The following LAIR1 variants were observed in gnomAD, a reference collection of about 807,000 sequenced individuals.
The protein encoded by LAIR1 is leukocyte associated immunoglobulin like receptor 1.
LAIR1 carries 24 observed loss-of-function variants against 32.8 expected under a neutral mutation model. The ratio of observed to expected loss-of-function variants is 0.73; its 90% CI spans 0.53 to 1.03. The LOEUF (loss-of-function observed/expected upper bound fraction) is 1.03, where lower values mean the gene tolerates loss of function less well. Among genes scored for constraint, LAIR1 ranks in the 50% least tolerant of loss-of-function variants. The probability of loss-of-function intolerance (pLI) is 0.00; values close to 1 mark genes in which losing one functional copy is unlikely to be tolerated. For missense variants in LAIR1, 355 were observed against 347.5 expected (o/e 1.02, Z -0.17); for synonymous variants, 150 against 140.5 (o/e 1.07, Z -0.48).
chr19:54,372,221 C>G (rs1359388339), upstream of LAIR1, among the ~76,000 whole-genome samples: 1 of 151,676 alleles, frequency 6.6e-6, no homozygotes, highest in Non-Finnish European at 1.5e-5. Context: ...CCCAAAGTGG[C>G]TGTACCATTT....
intron 3 of LAIR1, 23 bp downstream of exon 3, chr19:54,360,893 C>A (rs999029715): frequency 1.9e-6 from 3 of 1,599,618 alleles, no homozygotes; most frequent in Non-Finnish European, 2.6e-6. Flanking sequence ...GAGACTGGGG[C>A]AGGGCCCAGG....
At chr19:54,372,007 C>T (rs1199677936), upstream of LAIR1, among the ~76,000 whole-genome samples, 2 of 151,568 alleles carry the variant, frequency 1.3e-5, no homozygotes, top group African/African-American at 4.9e-5. Flanking sequence ...GGATAATATT[C>T]CATTGTCTGG....
upstream of LAIR1, among the ~76,000 whole-genome samples, chr19:54,366,161 G>A (rs2122605384): frequency 6.6e-6 from 1 of 152,292 alleles, no homozygotes; most frequent in Non-Finnish European, 1.5e-5. Context: ...CTAGAGATCT[G>A]CTGCACCACA....
chr19:54,357,867 G>A (rs1441689741), intron 4 of LAIR1: 3 of 151,278 alleles, frequency 2.0e-5, no homozygotes, highest in East Asian at 1.9e-4. Flanking sequence ...GACACCACCC[G>A]TTATTCTACA....
chr19:54,376,070 A>AGGGGAAAGAGGAAGAGAG, the LAIR1 span, among the ~76,000 whole-genome samples: 1 of 151,524 alleles, frequency 6.6e-6, no homozygotes, highest in South Asian at 2.1e-4. Context: ...GTTACCAGTG[A>AGGGGAAAGAGGAAGAGAG]GGGGAAAGAG....
At chr19:54,356,204 G>C (rs186282217) in intron 8 of LAIR1, 26 bp downstream of exon 8, 1 of 1,604,888 alleles carries the variant, frequency 6.2e-7, no homozygotes, top group Non-Finnish European at 8.5e-7. Context: ...CCCATCCCAG[G>C]CCTGTCCCTC....
At chr19:54,369,226 G>C (rs1328908387), upstream of LAIR1, among the ~76,000 whole-genome samples, 1 of 151,286 alleles carries the variant, frequency 6.6e-6, no homozygotes, top group Non-Finnish European at 1.5e-5. Flanking sequence ...CCTGTGCTGG[G>C]ATCCAATGCA....
upstream of LAIR1, among the ~76,000 whole-genome samples, chr19:54,374,877 T>G (rs1395457768): frequency 1.3e-5 from 2 of 151,642 alleles, no homozygotes; most frequent in Non-Finnish European, 2.9e-5. Context: ...AGCCCTTCGG[T>G]ACCCAGCATC....
Position 54,361,163 on chromosome 19 carries a change from G to A in LAIR1, c.117C>T (p.Ile39=). The A allele has an allele frequency of 6.2e-7, 1 of 1,614,208 alleles. No homozygotes were observed. The highest frequency in any genetic ancestry group is 1.3e-5 in the African/African-American group (1 of 75,054). Residue 39 remains isoleucine (I), a synonymous_variant, in exon 3 of 10, where the codon ATC becomes ATT. Transcript: ENST00000391742. Reference sequence around the variant, plus strand: ...CGAAAGTCACATGGCTCCCCAGGGGGATCACGGTGCCTGGCTCAGCCGAGA... The same window carrying A: ...CGAAAGTCACATGGCTCCCCAGGGGAATCACGGTGCCTGGCTCAGCCGAGA... ...PSISAEPGTV[I]PLGSHVTFVC...
upstream of LAIR1, among the ~76,000 whole-genome samples, chr19:54,371,341 G>A (rs949828977): frequency 1.2e-4 from 18 of 151,212 alleles, no homozygotes; most frequent in African/African-American, 3.2e-4. Flanking sequence ...GTGGGTCACC[G>A]AGGCTGGAGT....
chr19:54,372,127 C>G (rs2082420117), upstream of LAIR1, among the ~76,000 whole-genome samples: 1 of 151,616 alleles, frequency 6.6e-6, no homozygotes, highest in Non-Finnish European at 1.5e-5. Flanking sequence ...GTTTTCAGCT[C>G]CCTTCGGTAA....
intron 4 of LAIR1, chr19:54,358,550 A>G: frequency 1.2e-6 from 2 of 1,610,470 alleles, no homozygotes; most frequent in South Asian, 1.1e-5. Flanking sequence ...TCCCCATTGA[A>G]GTTCACAAGA....
upstream of LAIR1, among the ~76,000 whole-genome samples, chr19:54,366,280 T>G (rs1309932898): frequency 1.3e-5 from 2 of 152,180 alleles, no homozygotes; most frequent in African/African-American, 4.8e-5. Context: ...AGGGAATGTT[T>G]GAAACTTCTT....
exon 1 of LAIR1, chr19:54,370,522 C>T (rs1188942307): frequency 1.8e-5 from 7 of 396,194 alleles, no homozygotes; most frequent in Non-Finnish European, 2.7e-5. Flanking sequence ...CAAGACATAG[C>T]GGGTGTCATA....
chr19:54,373,331 C>T (rs530777365), upstream of LAIR1, among the ~76,000 whole-genome samples: 29 of 151,540 alleles, frequency 1.9e-4, no homozygotes, highest in South Asian at 6.0e-3. Context: ...GTAGTCCCAG[C>T]TACTTGGGAG....
Position 54,356,598 on chromosome 19 carries a change from A to G in LAIR1, c.476T>C (p.Leu159Pro), listed in dbSNP as rs781582183. ...GAGAATATACAGATGCTCAGCTTTC[A>G]GGCCTTGGGAAGCAGGTGCATCTAA... Reference protein sequence around the residue: ...HNEHAPASQGLKAEHLYILIG... With the variant: ...HNEHAPASQGPKAEHLYILIG... The change falls in exon 6 of 10, where the codon CTG becomes CCG. Residue 159 changes from leucine (L) to proline (P), a missense_variant. By Grantham distance (98) the Leu-to-Pro change is moderately conservative. Coordinates refer to ENST00000391742, the MANE Select transcript of LAIR1 (RefSeq NM_002287.6). The G allele has an allele frequency of 3.1e-5, 50 of 1,613,784 alleles. No individual in the cohort carries two copies. Among genetic ancestry groups the G allele is most frequent in the Non-Finnish European group, 4.0e-5 (47 of 1,180,016 alleles).
chr19:54,364,226 C>G lies in LAIR1; in HGVS notation c.70+69G>C. 1 of 1,509,694 alleles carries G rather than the reference C, an allele frequency of 6.6e-7. No individual in the cohort carries two copies. Among genetic ancestry groups the G allele is most frequent in the South Asian group, 1.1e-5 (1 of 88,672 alleles). The allele number at this position is 1,509,694 out of a possible 1,614,324, so 93.5% of individuals were successfully genotyped here. A position where few individuals can be genotyped will look rare whatever the true frequency, so the allele number is the denominator to read the frequency against. ...CTCCAGGCCCTCTAAGAATCAACAT[C>G]ACTCCCACCCAGCACTGCCCTTGGG... On this transcript the variant is annotated intron_variant, in intron 2 of 9. Coordinates refer to ENST00000391742, the MANE Select transcript of LAIR1 (RefSeq NM_002287.6). This position sits in a 1 kb window ranked among gnomAD's most constrained non-coding sequence, Gnocchi z 4.8.
In LAIR1 at chr19:54,355,250, G is replaced by A. The variant is rs760303811; in HGVS notation, c.*18C>T. 9 of 1,581,534 alleles carry A rather than the reference G, an allele frequency of 5.7e-6. No individual in the cohort carries two copies. The Admixed American group carries it at 1.4e-4, about 25-fold the overall frequency. On this transcript the variant is annotated 3_prime_UTR_variant, in exon 10 of 10. Transcript: ENST00000391742. This position sits in a 1 kb window ranked among gnomAD's most constrained non-coding sequence, Gnocchi z 4.7. Reference sequence around the variant, plus strand: ...GTGACTTTCTACCCTCAGGTGCAGAGGCCAGGTGGGTATGGGGTCAGTGTC... The same window carrying A: ...GTGACTTTCTACCCTCAGGTGCAGAAGCCAGGTGGGTATGGGGTCAGTGTC...
upstream of LAIR1, among the ~76,000 whole-genome samples, chr19:54,368,929 C>T (rs1003467991): frequency 2.0e-5 from 3 of 151,076 alleles, no homozygotes; most frequent in East Asian, 1.9e-4. Flanking sequence ...TCAGGTGATC[C>T]GCCCACCTTG....
Sources: allele counts gnomAD v4.1 joint callset (sites outside exome capture counted in the v4.1 genomes callset), GRCh38; gene constraint gnomAD v4.1.1; non-coding constraint Gnocchi (gnomAD v3.1); transcripts MANE v1.5; gene names NCBI Gene and HGNC (gene_info 2026-07-23, HGNC 2026-07-21).